The following GBE1 variants were observed in gnomAD, a reference collection of about 807,000 sequenced individuals.
The protein encoded by GBE1 is 1,4-alpha-glucan branching enzyme 1.
Under a neutral mutation model 88.8 loss-of-function variants are expected in GBE1, and 70 were observed. That is an observed-to-expected ratio of 0.79 (90% CI 0.65 to 0.96). The LOEUF (loss-of-function observed/expected upper bound fraction) is 0.96. GBE1 is among the 40% of genes least tolerant of loss of function. GBE1 has a pLI of 0.00. For missense variants in GBE1, 872 were observed against 871.0 expected, an observed-to-expected ratio of 1.00 and a Z score of -0.01; for synonymous variants, 284 against 300.1, an observed-to-expected ratio of 0.95 and a Z score of 0.56.
At chr3:81,656,984 C>T (rs972943414) in intron 3 of GBE1, among the ~76,000 whole-genome samples, 1 of 151,744 alleles carries the variant, frequency 6.6e-6, no homozygotes, top group Non-Finnish European at 1.5e-5. Flanking sequence ...GGAGAAACGC[C>T]GTCTCTACTA....
chr3:81,692,878 A>G (rs1705541860), intron 2 of GBE1, among the ~76,000 whole-genome samples: 1 of 152,208 alleles, frequency 6.6e-6, no homozygotes, highest in African/African-American at 2.4e-5. Flanking sequence ...CATGATAAGA[A>G]TATTACTAAA....
In GBE1 at chr3:81,591,139, A is replaced by C. The variant is rs36099971; in HGVS notation, c.1134T>G (p.Ser378Arg). ...CATCTACTTGTAGTCCGAAATATTC[A>C]CTGTAATCACCTGAGAAACCTTGAC... ...GVGQGFSGDY[S>R]EYFGLQVDED... Residue 378 changes from serine to arginine, a missense_variant, in exon 9 of 16, where the codon AGT (serine) becomes AGG (arginine). Physicochemically the swap from Ser to Arg is moderately radical, Grantham distance 110. Coordinates refer to ENST00000429644, the MANE Select transcript of GBE1 (RefSeq NM_000158.4). 7.5e-4 allele frequency: 1,202 copies of C among 1,605,016 alleles called. 6 individuals are homozygous for C. The highest frequency in any genetic ancestry group is 5.9e-3 in the African/African-American group (441 of 74,894).
chr3:81,713,636 G>C (rs7620240), intron 1 of GBE1, among the ~76,000 whole-genome samples: 1 of 151,816 alleles, frequency 6.6e-6, no homozygotes, highest in African/African-American at 2.4e-5. Flanking sequence ...GCAATGAAAA[G>C]AATTTTTTAA....
chr3:81,503,391 T>C (rs1367570757), intron 14 of GBE1, among the ~76,000 whole-genome samples: 1 of 152,080 alleles, frequency 6.6e-6, no homozygotes, highest in Non-Finnish European at 1.5e-5. Context: ...TAGTTAAGTG[T>C]GATAGTGTTT....
chr3:81,567,106 C>T (rs926596071), intron 12 of GBE1, among the ~76,000 whole-genome samples: 6 of 152,298 alleles, frequency 3.9e-5, no homozygotes, highest in African/African-American at 1.2e-4. Flanking sequence ...GGCTCTCACG[C>T]TCATCATCCC....
At position 81,671,071 on chromosome 3, in the gene GBE1, GT is replaced by G. The variant is rs1705182714; in HGVS notation, c.314-119del. ...AAAAATCAAATTGTCTAAAATAATT[GT>G]TTTCTGAAGTGTTAATCAAAATACT... On this transcript the variant is annotated intron_variant, in intron 2 of 15. Transcript: ENST00000429644. The G allele has an allele frequency of 1.3e-5, 6 of 472,110 alleles. No individual in the cohort carries two copies. In the South Asian group the frequency reaches 2.5e-4, roughly 19 times the overall value. 29.2% of individuals were successfully genotyped at this position (472,110 alleles called of 1,614,324 possible).
chr3:81,727,411 G>A (rs1045595130), intron 1 of GBE1, among the ~76,000 whole-genome samples: 1 of 152,126 alleles, frequency 6.6e-6, no homozygotes, highest in African/African-American at 2.4e-5. Flanking sequence ...GGCATTCCTA[G>A]AACAGCTACT....
At chr3:81,681,399 T>C (rs1458488869) in intron 2 of GBE1, among the ~76,000 whole-genome samples, 3 of 152,174 alleles carry the variant, frequency 2.0e-5, no homozygotes, top group Non-Finnish European at 4.4e-5. Flanking sequence ...GGTTTCAGCA[T>C]GTATTTGAGG....
intron 7 of GBE1, among the ~76,000 whole-genome samples, chr3:81,617,917 G>A (rs777290130): frequency 3.3e-5 from 5 of 151,968 alleles, no homozygotes; most frequent in Non-Finnish European, 7.4e-5. Context: ...GGTAATTATA[G>A]TATTTCAGAT....
intron 6 of GBE1, among the ~76,000 whole-genome samples, chr3:81,645,410 G>T (rs1416083047): frequency 6.6e-6 from 1 of 152,158 alleles, no homozygotes; most frequent in Non-Finnish European, 1.5e-5. Flanking sequence ...GTACCAAGGG[G>T]TGCTGACAGC....
Position 81,755,684 on chromosome 3 carries a change from C to G in GBE1, c.143+5691G>C, listed in dbSNP as rs953901109. Among the ~76,000 whole-genome samples, 76 of 152,168 alleles carry G rather than the reference C, an allele frequency of 5.0e-4. 1 individual carries two copies. Among genetic ancestry groups the G allele is most frequent in the African/African-American group, 1.8e-3 (73 of 41,534 alleles). ...TATCATTGCAGCAACATGGATGGAA[C>G]TGGAGACCATTATGTTAAGTGAGAT... On this transcript the variant is annotated intron_variant, in intron 1 of 15. Transcript: ENST00000429644.
intron 12 of GBE1, among the ~76,000 whole-genome samples, chr3:81,567,648 T>A (rs1401847145): frequency 6.6e-6 from 1 of 152,246 alleles, no homozygotes. Context: ...ATTCCTCTCT[T>A]TGTCTTATGG....
intron 2 of GBE1, among the ~76,000 whole-genome samples, chr3:81,683,534 T>C (rs1705389367): frequency 6.6e-6 from 1 of 152,202 alleles, no homozygotes; most frequent in Non-Finnish European, 1.5e-5. Flanking sequence ...TTCAAAGCTA[T>C]AAACAACAGG....
intron 10 of GBE1, among the ~76,000 whole-genome samples, chr3:81,582,115 T>C (rs1703739143): frequency 6.6e-6 from 1 of 152,016 alleles, no homozygotes; most frequent in Non-Finnish European, 1.5e-5. Flanking sequence ...TGTCCTAAAT[T>C]TACTCTCCCT....
intron 7 of GBE1, among the ~76,000 whole-genome samples, chr3:81,633,939 GA>G (rs1286431047): frequency 1.3e-5 from 2 of 152,122 alleles, no homozygotes; most frequent in Non-Finnish European, 2.9e-5. Flanking sequence ...CTAATTGTAT[GA>G]CATTTTAACA....
At chr3:81,674,043 A>T (rs537256654) in intron 2 of GBE1, among the ~76,000 whole-genome samples, 68 of 152,046 alleles carry the variant, frequency 4.5e-4, no homozygotes, top group Non-Finnish European at 5.7e-4. Context: ...ACTATTTAAG[A>T]CTTTTCCATT....
chr3:81,756,569 A>ACT (rs1706604829), intron 1 of GBE1, among the ~76,000 whole-genome samples: 1 of 152,220 alleles, frequency 6.6e-6, no homozygotes, highest in Non-Finnish European at 1.5e-5. Flanking sequence ...AAGAGTAGAA[A>ACT]GACAACTGTA....
chr3:81,516,743 T>A (rs779531320), intron 14 of GBE1, among the ~76,000 whole-genome samples: 5 of 151,520 alleles, frequency 3.3e-5, no homozygotes, highest in Non-Finnish European at 5.9e-5. Context: ...AATAGGAGTT[T>A]GGAAGAAGTT....
chr3:81,740,940 T>C (rs1360107787), intron 1 of GBE1, among the ~76,000 whole-genome samples: 1 of 152,098 alleles, frequency 6.6e-6, no homozygotes, highest in African/African-American at 2.4e-5. Context: ...TACACACCCG[T>C]ACAGAAAATG....
Sources: allele counts gnomAD v4.1 joint callset (sites outside exome capture counted in the v4.1 genomes callset), GRCh38; gene constraint gnomAD v4.1.1; transcripts MANE v1.5; gene names NCBI Gene and HGNC (gene_info 2026-07-23, HGNC 2026-07-21).